Variants in NUSAP1 observed in about 807,000 individuals in gnomAD.
NUSAP1 encodes nucleolar and spindle-associated protein 1.
Under a neutral mutation model 52.8 loss-of-function variants are expected in NUSAP1, and 32 were observed. The ratio of observed to expected loss-of-function variants is 0.61; its 90% CI spans 0.46 to 0.81. NUSAP1 has a LOEUF of 0.81. Among genes scored for constraint, NUSAP1 ranks in the 40% least tolerant of loss-of-function variants. The probability of loss-of-function intolerance (pLI) is 0.00; values close to 1 mark genes in which losing one functional copy is unlikely to be tolerated. For missense variants in NUSAP1, 499 were observed against 522.3 expected (o/e 0.96, Z 0.43); for synonymous variants, 195 against 183.1 (o/e 1.06, Z -0.52).
At chr15:41,343,027 G>C (rs1006720511) in intron 2 of NUSAP1, 6 of 152,334 alleles carry the variant, frequency 3.9e-5, no homozygotes, top group South Asian at 2.1e-4. Flanking sequence ...CAAGTACTAC[G>C]AGAGATGGCA....
chr15:41,378,793 G>C (rs1321539933), intron 10 of NUSAP1, among the ~76,000 whole-genome samples: 2 of 150,744 alleles, frequency 1.3e-5, no homozygotes, highest in African/African-American at 2.4e-5. Context: ...AGAAATCAAA[G>C]TCAAAGGTCA....
chr15:41,379,809 C>T (rs767751194), intron 10 of NUSAP1, among the ~76,000 whole-genome samples: 2 of 152,036 alleles, frequency 1.3e-5, no homozygotes, highest in South Asian at 2.1e-4. Context: ...GGCCTCCTAA[C>T]GTGCTGGGAT....
chr15:41,376,875 G>GACCA (rs2049960715), intron 9 of NUSAP1, among the ~76,000 whole-genome samples: 2 of 151,494 alleles, frequency 1.3e-5, no homozygotes, highest in Admixed American at 1.3e-4. Context: ...AGGAGCTCAA[G>GACCA]ACCAGCATGG....
intron 6 of NUSAP1, among the ~76,000 whole-genome samples, chr15:41,359,876 A>T (rs962355909): frequency 1.3e-5 from 2 of 150,466 alleles, no homozygotes; most frequent in Admixed American, 6.6e-5. Context: ...CAGGTGATCA[A>T]CCCACCTCCC....
In NUSAP1 at chr15:41,356,076, ATCTC is replaced by A. The variant is rs771881188; in HGVS notation, c.490_493del (p.Leu164ThrfsTer52). The A allele has an allele frequency of 6.2e-7, 1 of 1,608,244 alleles. No individual in the cohort carries two copies. Among genetic ancestry groups the A allele is most frequent in the Non-Finnish European group, 8.5e-7 (1 of 1,176,748 alleles). ...CAAAGGTACCTTCAGAAGGAAAGAA[ATCTC>A]TCTACACAGATGAGTCATCCAAACC... On this transcript the variant is annotated frameshift_variant, in exon 5 of 11. Coordinates refer to ENST00000559596, the MANE Select transcript of NUSAP1 (RefSeq NM_016359.5). LOFTEE classifies it high-confidence loss of function.
chr15:41,357,449 CT>C (rs561745809), intron 5 of NUSAP1, among the ~76,000 whole-genome samples: 78 of 146,438 alleles, frequency 5.3e-4, no homozygotes, highest in Admixed American at 2.8e-3. Flanking sequence ...GCCTAAAATA[CT>C]TTTTTTTTTT....
chr15:41,364,141 T>C (rs1261872321), intron 6 of NUSAP1, among the ~76,000 whole-genome samples: 1 of 152,170 alleles, frequency 6.6e-6, no homozygotes, highest in Non-Finnish European at 1.5e-5. Flanking sequence ...CCTAAGTTTA[T>C]ATTTAATAAA....
chr15:41,370,500 C>A (rs2049625778), intron 7 of NUSAP1, among the ~76,000 whole-genome samples: 1 of 151,964 alleles, frequency 6.6e-6, no homozygotes, highest in Non-Finnish European at 1.5e-5. Flanking sequence ...CTTGTAATCC[C>A]AGCACTTTGA....
chr15:41,333,776 AAGCTTTTTGCCTGTGATCCC>A (rs1567033574), intron 1 of NUSAP1, among the ~76,000 whole-genome samples: 1 of 152,124 alleles, frequency 6.6e-6, no homozygotes, highest in African/African-American at 2.4e-5. Context: ...CCTGTGATCC[AAGCTTTTTGCCTGTGATCCC>A]AGCTACTTGG....
chr15:41,335,392 AAATATACTATATT>A (rs1315878653), intron 1 of NUSAP1, among the ~76,000 whole-genome samples: 2 of 142,348 alleles, frequency 1.4e-5, no homozygotes, highest in Non-Finnish European at 3.0e-5. Flanking sequence ...TATATATACT[AAATATACTATATT>A]AATATACTAT....
At chr15:41,369,761 T>C (rs13380007) in intron 7 of NUSAP1, among the ~76,000 whole-genome samples, 4,584 of 152,194 alleles carry the variant, frequency 0.03, 247 homozygotes, top group African/African-American at 0.11. Context: ...CTCATTGTTA[T>C]TTTATGAACC....
intron 9 of NUSAP1, among the ~76,000 whole-genome samples, chr15:41,376,133 G>A (rs2049923795): frequency 6.6e-6 from 1 of 152,162 alleles, no homozygotes; most frequent in Non-Finnish European, 1.5e-5. Context: ...AGTGGCTCTG[G>A]CCTGTAATCC....
At chr15:41,334,060 G>A (rs1031960190) in intron 1 of NUSAP1, among the ~76,000 whole-genome samples, 1 of 152,200 alleles carries the variant, frequency 6.6e-6, no homozygotes, top group African/African-American at 2.4e-5. Flanking sequence ...TGCAGGCTGT[G>A]ATACTGACAG....
rs1338842583 is a variant in NUSAP1 at position 41,380,278 on chromosome 15, C to T, written c.*92C>T. 8.7e-6 allele frequency: 7 copies of T among 804,248 alleles called. No homozygotes were observed. Among genetic ancestry groups the T allele is most frequent in the Admixed American group, 7.5e-5 (3 of 39,854 alleles). The allele number at this position is 804,248 out of a possible 1,614,324, so 49.8% of individuals were successfully genotyped here. ...TTTGCTGTCATCCCCACTTTAGTCA[C>T]GAGATCTTTTTCTGCTAACTGTTCA... On this transcript the variant is annotated 3_prime_UTR_variant, in exon 11 of 11. Transcript: ENST00000559596.
chr15:41,360,264 A>G (rs1420835730), intron 6 of NUSAP1, among the ~76,000 whole-genome samples: 1 of 151,414 alleles, frequency 6.6e-6, no homozygotes, highest in Non-Finnish European at 1.5e-5. Flanking sequence ...TCAGCCTCCC[A>G]AGTACCTGGG....
chr15:41,351,173 A>G (rs1266740001), intron 4 of NUSAP1, 44 bp downstream of exon 4: 2 of 1,583,230 alleles, frequency 1.3e-6, no homozygotes, highest in African/African-American at 2.7e-5. Flanking sequence ...TTAAAAACCA[A>G]AATTGCTAGA....
chr15:41,360,418 G>A (rs917916154), intron 6 of NUSAP1, among the ~76,000 whole-genome samples: 2 of 152,038 alleles, frequency 1.3e-5, no homozygotes, highest in Non-Finnish European at 2.9e-5. Context: ...CCAGGTTCAA[G>A]CAATTCTCCT....
chr15:41,361,500 CA>C (rs1446688364), intron 6 of NUSAP1, among the ~76,000 whole-genome samples: 8 of 152,114 alleles, frequency 5.3e-5, no homozygotes, highest in Non-Finnish European at 1.2e-4. Flanking sequence ...GCCGAAGGAT[CA>C]CTTGAGCCCC....
At chr15:41,345,530 G>A in intron 2 of NUSAP1, 1 of 405,326 alleles carries the variant, frequency 2.5e-6, no homozygotes, top group South Asian at 1.8e-5. Flanking sequence ...CACGATCTCG[G>A]CTCACCGCAA....
Sources: allele counts gnomAD v4.1 joint callset (sites outside exome capture counted in the v4.1 genomes callset), GRCh38; gene constraint gnomAD v4.1.1; transcripts MANE v1.5; gene names NCBI Gene and HGNC (gene_info 2026-07-23, HGNC 2026-07-21).